The following GSR variants were observed in gnomAD, a reference collection of about 807,000 sequenced individuals.
The protein encoded by GSR is glutathione-disulfide reductase.
Under a neutral mutation model 56.5 loss-of-function variants are expected in GSR, and 48 were observed. The ratio of observed to expected loss-of-function variants is 0.85; its 90% CI spans 0.67 to 1.08. GSR has a LOEUF of 1.08. GSR is among the 50% of genes least tolerant of loss of function. The pLI, the probability that GSR is intolerant of heterozygous loss-of-function variation, is 0.00. For synonymous variants in GSR, 264 were observed against 270.8 expected, an observed-to-expected ratio of 0.97 and a Z score of 0.25; for missense variants, 694 against 703.3, an observed-to-expected ratio of 0.99 and a Z score of 0.15.
At chr8:30,711,405 A>C (rs2128746594) in intron 2 of GSR, among the ~76,000 whole-genome samples, 1 of 152,340 alleles carries the variant, frequency 6.6e-6, no homozygotes, top group South Asian at 2.1e-4. Flanking sequence ...TGCACCACAG[A>C]TATTAACAAC....
chr8:30,718,336 C>G (rs1434688995), intron 1 of GSR, among the ~76,000 whole-genome samples: 1 of 152,044 alleles, frequency 6.6e-6, no homozygotes, highest in East Asian at 1.9e-4. Context: ...CTCAGCTCTC[C>G]CATTTAGTGG....
At position 30,703,256 on chromosome 8, in the gene GSR, T is replaced by C. The variant is rs1232471732; in HGVS notation, c.493-16A>G. The stretch of plus-strand genomic sequence containing the variant: ...CTATATGGGACTAAAGAAGGAACCA[T>C]GACATTAGCCTGTTCTTAGAATAAA... On this transcript the variant is annotated splice_polypyrimidine_tract_variant and intron_variant, in intron 4 of 12. Coordinates refer to ENST00000221130, the MANE Select transcript of GSR (RefSeq NM_000637.5). The C allele has an allele frequency of 1.9e-6, 3 of 1,611,858 alleles. No homozygotes were observed. Among genetic ancestry groups the C allele is most frequent in the African/African-American group, 2.7e-5 (2 of 75,000 alleles).
At chr8:30,680,255 G>C (rs1442021129) in intron 12 of GSR, among the ~76,000 whole-genome samples, 3 of 152,058 alleles carry the variant, frequency 2.0e-5, no homozygotes, top group African/African-American at 4.8e-5. Context: ...TTTTAGTAGA[G>C]ATGGGGTTTC....
chr8:30,703,194 G>A lies in GSR; in HGVS notation c.539C>T (p.Pro180Leu), dbSNP rs1002891190. ...IRGHAAFTSDPKPTIEVSGKK... is the reference protein window; with the variant it reads ...IRGHAAFTSDLKPTIEVSGKK... ...CCCACTGACCTCTATTGTGGGCTTGGGATCACTCGTGAAGGCTGCATGGCC... is the reference window on the plus strand; with the variant it reads ...CCCACTGACCTCTATTGTGGGCTTGAGATCACTCGTGAAGGCTGCATGGCC... The change falls in exon 5 of 13, where the codon CCC becomes CTC. Residue 180 changes from proline (P) to leucine (L), a missense_variant. By Grantham distance (98) the Pro-to-Leu change is moderately conservative. Coordinates refer to ENST00000221130, the MANE Select transcript of GSR (RefSeq NM_000637.5). 3.7e-6 allele frequency: 6 copies of A among 1,613,784 alleles called. No individual in the cohort carries two copies. Among genetic ancestry groups the A allele is most frequent in the African/African-American group, 1.3e-5 (1 of 74,894 alleles).
chr8:30,683,754 C>A (rs369331953), intron 10 of GSR, among the ~76,000 whole-genome samples: 108 of 141,968 alleles, frequency 7.6e-4, no homozygotes, highest in South Asian at 1.4e-3. Flanking sequence ...AGAGTGTCTC[C>A]AAAAAAAAAA....
At chr8:30,717,301 T>C (rs1251741789) in intron 1 of GSR, among the ~76,000 whole-genome samples, 1 of 152,124 alleles carries the variant, frequency 6.6e-6, no homozygotes, top group Non-Finnish European at 1.5e-5. Flanking sequence ...TTGCGCAGGC[T>C]GGTCTCAAAA....
chr8:30,699,438 AC>A (rs1803654330), intron 6 of GSR, among the ~76,000 whole-genome samples: 1 of 151,268 alleles, frequency 6.6e-6, no homozygotes, highest in Non-Finnish European at 1.5e-5. Context: ...GAGAAAACCC[AC>A]CTCTACTAAA....
chr8:30,692,922 G>C lies in GSR; in HGVS notation c.882+47C>G, dbSNP rs768908398. 2.8e-5 allele frequency: 32 copies of C among 1,139,630 alleles called. No homozygotes were observed. The South Asian group carries it at 3.9e-4, about 14-fold the overall frequency. The allele number at this position is 1,139,630 out of a possible 1,614,324, so 70.6% of individuals were successfully genotyped here. ...AACTGGGCGAAGCCACAAGCAGAAAGTGTGATTGACTGGGGGCCGCGTGCA... is the reference window on the plus strand; with the variant it reads ...AACTGGGCGAAGCCACAAGCAGAAACTGTGATTGACTGGGGGCCGCGTGCA... On this transcript the variant is annotated intron_variant, in intron 8 of 12. Transcript: ENST00000221130.
chr8:30,723,634 T>C (rs570215101), intron 1 of GSR, among the ~76,000 whole-genome samples: 1 of 152,028 alleles, frequency 6.6e-6, no homozygotes, highest in African/African-American at 2.4e-5. Flanking sequence ...CTACTAAAAA[T>C]ACAAAAAATT....
chr8:30,706,508 TAAAC>T lies in GSR; in HGVS notation c.492+1560_492+1563del, dbSNP rs200701480. 6.3e-3 allele frequency among the ~76,000 whole-genome samples: 936 copies of T among 149,576 alleles called. 13 individuals are homozygous for T. The highest frequency in any genetic ancestry group is 0.014 in the East Asian group (72 of 5,136). The stretch of plus-strand genomic sequence containing the variant: ...ACAGAGCAAGATTCTGTTTCACAAA[TAAAC>T]AAACAAACAAACAAACAAACAACCG... On this transcript the variant is annotated intron_variant, in intron 4 of 12. Transcript: ENST00000221130.
Position 30,727,671 on chromosome 8 carries a change from C to T in GSR, c.165G>A (p.Pro55=), listed in dbSNP as rs1203357530. ...AGGCCACGGCGCCAGCAGCGGGCGGCGGGCCCTGCGGCTGCGGCTCCTGCC... is the reference window on the plus strand; with the variant it reads ...AGGCCACGGCGCCAGCAGCGGGCGGTGGGCCCTGCGGCTGCGGCTCCTGCC... ...ACRQEPQPQG[P]PPAAGAVASY... The change falls in exon 1 of 13, where the codon CCG becomes CCA. Residue 55 remains proline (P), a synonymous_variant. Transcript: ENST00000221130. 1.4e-6 allele frequency: 2 copies of T among 1,442,736 alleles called. No homozygotes were observed. Among genetic ancestry groups the T allele is most frequent in the Non-Finnish European group, 1.8e-6 (2 of 1,107,550 alleles). The allele number at this position is 1,442,736 out of a possible 1,614,324, so 89.4% of individuals were successfully genotyped here.
At chr8:30,707,725 TG>T (rs1803962680) in intron 4 of GSR, among the ~76,000 whole-genome samples, 1 of 151,764 alleles carries the variant, frequency 6.6e-6, no homozygotes, top group East Asian at 1.9e-4. Flanking sequence ...GAGGACAAGG[TG>T]GGCAGATCAC....
rs2128744391 is a variant in GSR, at chr8:30,703,165, T to C, written c.568A>G (p.Lys190Glu). ...ATCAGGATGTGTGGGGCGGTGTACT[T>C]TTTCCCACTGACCTCTATTGTGGGC... ...PKPTIEVSGK[K>E]YTAPHILIAT... Residue 190 changes from lysine (K) to glutamate (E), a missense_variant, in exon 5 of 13, where the codon AAG (lysine) becomes GAG (glutamate). Lys to Glu is a moderately conservative substitution (Grantham distance 56). Transcript: ENST00000221130. 1.9e-6 allele frequency: 3 copies of C among 1,614,084 alleles called. No individual in the cohort carries two copies. In the East Asian group the frequency reaches 6.7e-5, roughly 36 times the overall value.
In GSR at chr8:30,727,723, C is replaced by T; in HGVS notation, c.113G>A (p.Arg38His). 1.4e-6 allele frequency: 2 copies of T among 1,405,058 alleles called. No homozygotes were observed. 87.0% of individuals were successfully genotyped at this position (1,405,058 alleles called of 1,614,324 possible). The change falls in exon 1 of 13, where the codon CGC becomes CAC. Residue 38 changes from arginine to histidine, a missense_variant. Transcript: ENST00000221130. Reference protein sequence around the residue: ...LLLPEPAALTRALSRAMACRQ... With the variant: ...LLLPEPAALTHALSRAMACRQ... ...GCAGGCCATGGCACGGGAGAGGGCG[C>T]GCGTGAGGGCCGCGGGCTCGGGCAG...
Position 30,692,981 on chromosome 8 carries a change from C to T in GSR, c.870G>A (p.Leu290=), listed in dbSNP as rs951046151. The T allele has an allele frequency of 6.2e-7, 1 of 1,609,724 alleles. No homozygotes were observed. Among genetic ancestry groups the T allele is most frequent in the Non-Finnish European group, 8.5e-7 (1 of 1,176,694 alleles). The change falls in exon 8 of 13, where the codon CTG becomes CTA. Residue 290 remains leucine (L), a synonymous_variant. Coordinates refer to ENST00000221130, the MANE Select transcript of GSR (RefSeq NM_000637.5). ...CTTGGCACTGTACCTGGGAGAACTT[C>T]AGCACCTCCACGCCAGCGTTCTCCA... ...EELENAGVEV[L]KFSQVKEVKK...
intron 9 of GSR, among the ~76,000 whole-genome samples, chr8:30,686,250 G>A (rs1382686059): frequency 6.6e-6 from 1 of 151,748 alleles, no homozygotes; most frequent in Non-Finnish European, 1.5e-5. Flanking sequence ...CTTATACCTT[G>A]CCGGTTGTTG....
intron 1 of GSR, among the ~76,000 whole-genome samples, chr8:30,717,667 G>A (rs1031595635): frequency 6.6e-6 from 1 of 151,864 alleles, no homozygotes; most frequent in African/African-American, 2.4e-5. Context: ...ATCTGTCACT[G>A]TCTCCCATCA....
In GSR at chr8:30,703,221, C is replaced by A. The variant is rs766106295; in HGVS notation, c.512G>T (p.Arg171Leu). The change falls in exon 5 of 13, where the codon CGT becomes CTT. Residue 171 changes from arginine to leucine, a missense_variant. Transcript: ENST00000221130. Reference sequence around the variant, plus strand: ...ATCACTCGTGAAGGCTGCATGGCCACGGATGATTTCTATATGGGACTAAAG... The same window carrying A: ...ATCACTCGTGAAGGCTGCATGGCCAAGGATGATTTCTATATGGGACTAAAG... The part of the protein sequence containing the change: ...NLTKSHIEII[R>L]GHAAFTSDPK... The A allele has an allele frequency of 3.1e-6, 5 of 1,613,850 alleles. No individual in the cohort carries two copies. The Admixed American group carries it at 5.0e-5, about 16-fold the overall frequency.
intron 12 of GSR, 115 bp downstream of exon 12, chr8:30,680,789 T>C (rs1802925365): frequency 5.6e-6 from 5 of 896,768 alleles, no homozygotes; most frequent in Non-Finnish European, 9.3e-6. Flanking sequence ...AGTGGGCCTG[T>C]CCAGTTGAAT....
Sources: gnomAD v4.1 joint callset for allele counts (sites outside exome capture counted in the v4.1 genomes callset) on GRCh38, gnomAD v4.1.1 for gene constraint, MANE v1.5 for transcripts, NCBI Gene and HGNC (gene_info 2026-07-23, HGNC 2026-07-21) for gene names.